Variants in MAP3K20 observed in about 807,000 individuals in gnomAD.
The protein encoded by MAP3K20 is mitogen-activated protein kinase kinase kinase 20.
In MAP3K20, 40 loss-of-function variants were observed where a neutral mutation model predicts 85.7. The observed-to-expected ratio is 0.47, with a 90% CI of 0.36 to 0.61. The LOEUF is 0.61. Among genes scored for constraint, MAP3K20 ranks in the 20% least tolerant of loss-of-function variants. The probability of loss-of-function intolerance (pLI) is 0.00; values close to 1 mark genes in which losing one functional copy is unlikely to be tolerated. For missense variants in MAP3K20, 817 were observed against 961.7 expected (o/e 0.85, Z 1.99); for synonymous variants, 325 against 327.7 (o/e 0.99, Z 0.09).
intron 18 of MAP3K20, among the ~76,000 whole-genome samples, chr2:173,262,552 A>G (rs1187327208): frequency 1.3e-5 from 2 of 151,944 alleles, no homozygotes; most frequent in African/African-American, 4.8e-5. Flanking sequence ...GTGAGCTGAG[A>G]TTGCGCCATT....
At chr2:173,155,124 G>A (rs1432114329) in intron 2 of MAP3K20, among the ~76,000 whole-genome samples, 1 of 151,918 alleles carries the variant, frequency 6.6e-6, no homozygotes, top group Non-Finnish European at 1.5e-5. Context: ...AAGAGGGGGA[G>A]GTAAAATCTG....
At chr2:173,155,659 T>C (rs1052732565) in intron 2 of MAP3K20, among the ~76,000 whole-genome samples, 4 of 152,200 alleles carry the variant, frequency 2.6e-5, no homozygotes, top group South Asian at 4.1e-4. Flanking sequence ...CTGAGGGGCA[T>C]AGAAAGGTAA....
intron 2 of MAP3K20, among the ~76,000 whole-genome samples, chr2:173,123,442 T>G (rs1688355161): frequency 6.6e-6 from 1 of 152,188 alleles, no homozygotes; most frequent in Non-Finnish European, 1.5e-5. Context: ...CTGTGAAGCA[T>G]GTTGAGATTT....
At position 173,229,718 on chromosome 2, in the gene MAP3K20, G is replaced by A. The variant is rs1192632812; in HGVS notation, c.1017G>A (p.Trp339Ter). ...TGCCTTCCTTTGAGATTGGTGCATG[G>A]ACGGAAGACGATGTGGTAAGCTCTT... ...PLLPSFEIGA[W>*]TEDDVYCWVQ... Residue 339 changes from tryptophan (W) to a stop codon, truncating the protein, a stop_gained, in exon 12 of 20, where the codon TGG becomes TGA. Transcript: ENST00000375213. LOFTEE classifies it high-confidence loss of function. The A allele has an allele frequency of 6.2e-7, 1 of 1,614,026 alleles. No homozygotes were observed. Among genetic ancestry groups the A allele is most frequent in the South Asian group, 1.1e-5 (1 of 91,074 alleles).
chr2:173,217,129 C>T lies in MAP3K20; in HGVS notation c.866C>T (p.Ala289Val). ...TCCCCGTGCAGGTGCGAAATTGAGG[C>T]AACTCTTGAGAGGCTAAAGAAACTA... ...NKAEWRCEIE[A>V]TLERLKKLER... The change falls in exon 11 of 20, where the codon GCA becomes GTA. Residue 289 changes from alanine to valine, a missense_variant. Around this residue, in one of 4 missense-constraint regions of MAP3K20, gnomAD observed 158 missense variants for 162.0 expected, o/e 0.98. Coordinates refer to ENST00000375213, the MANE Select transcript of MAP3K20 (RefSeq NM_016653.3). 2.6e-6 allele frequency: 4 copies of T among 1,566,096 alleles called. No individual in the cohort carries two copies. Among genetic ancestry groups the T allele is most frequent in the Non-Finnish European group, 3.5e-6 (4 of 1,155,644 alleles).
chr2:173,176,721 T>TC (rs1690171245), intron 3 of MAP3K20, among the ~76,000 whole-genome samples: 1 of 152,164 alleles, frequency 6.6e-6, no homozygotes, highest in Non-Finnish European at 1.5e-5. Flanking sequence ...ATGTAGATGT[T>TC]CTAAACACTT....
chr2:173,238,548 A>G (rs1014834195), intron 15 of MAP3K20, 113 bp downstream of exon 15: 2 of 949,446 alleles, frequency 2.1e-6, no homozygotes, highest in African/African-American at 1.6e-5. Context: ...GTGAAATTTC[A>G]TCATATCTGT....
In MAP3K20 at chr2:173,182,963, T is replaced by C. The variant is rs1690373290; in HGVS notation, c.349+8T>C. On this transcript the variant is annotated splice_region_variant and intron_variant, in intron 4 of 19. Coordinates refer to ENST00000375213, the MANE Select transcript of MAP3K20 (RefSeq NM_016653.3). The stretch of plus-strand genomic sequence containing the variant: ...CCACTGATGTAGCCAAAGGTAATAA[T>C]ATTTGGTATATTCTTATAGAATTAG... 2 of 1,592,044 alleles carry C rather than the reference T, an allele frequency of 1.3e-6. No homozygotes were observed. The highest frequency in any genetic ancestry group is 2.7e-5 in the African/African-American group (2 of 74,260).
At chr2:173,222,497 A>G in intron 11 of MAP3K20, 2 of 985,856 alleles carry the variant, frequency 2.0e-6, no homozygotes, top group Non-Finnish European at 2.4e-6. Context: ...TGTGCTTTAT[A>G]CAAAGAGAAA....
chr2:173,100,823 G>A (rs1347658460), intron 2 of MAP3K20, among the ~76,000 whole-genome samples: 1 of 152,154 alleles, frequency 6.6e-6, no homozygotes, highest in Non-Finnish European at 1.5e-5. Context: ...TTGAATTGGA[G>A]AGTAAGCAAT....
chr2:173,237,476 T>C (rs1684681407), intron 14 of MAP3K20, among the ~76,000 whole-genome samples: 1 of 152,200 alleles, frequency 6.6e-6, no homozygotes, highest in Non-Finnish European at 1.5e-5. Context: ...TTGTCAGCTG[T>C]CAACAGTTTT....
chr2:173,258,456 G>A (rs1685208480), intron 16 of MAP3K20, among the ~76,000 whole-genome samples: 1 of 151,880 alleles, frequency 6.6e-6, no homozygotes, highest in Admixed American at 6.6e-5. Context: ...TCAGGATTTT[G>A]AGTTTGTAAC....
intron 9 of MAP3K20, among the ~76,000 whole-genome samples, chr2:173,204,638 T>C (rs1683607025): frequency 6.6e-6 from 1 of 152,198 alleles, no homozygotes; most frequent in African/African-American, 2.4e-5. Context: ...ACAGATGAAA[T>C]GATAGGCTAG....
At position 173,217,260 on chromosome 2, in the gene MAP3K20, C is replaced by T. The variant is rs750657872; in HGVS notation, c.987+10C>T. 1.3e-6 allele frequency: 2 copies of T among 1,539,780 alleles called. No homozygotes were observed. Among genetic ancestry groups the T allele is most frequent in the Non-Finnish European group, 8.8e-7 (1 of 1,141,996 alleles). ...GCAGTCCAACACCCCGGTGAGTACC[C>T]TCCCCCTTCGCCGTCTTTCCACATG... On this transcript the variant is annotated intron_variant, in intron 11 of 19. Transcript: ENST00000375213.
intron 10 of MAP3K20, chr2:173,211,838 CG>C (rs1258842718): frequency 5.3e-5 from 8 of 152,102 alleles, no homozygotes; most frequent in African/African-American, 1.7e-4. Context: ...GGCGTGAACC[CG>C]GGAGGCAGAG....
chr2:173,169,178 A>C (rs1343373466), intron 2 of MAP3K20, among the ~76,000 whole-genome samples: 1 of 152,184 alleles, frequency 6.6e-6, no homozygotes, highest in African/African-American at 2.4e-5. Flanking sequence ...GACATTTTGC[A>C]AAATATATAT....
At chr2:173,181,792 A>G (rs1203835207) in intron 3 of MAP3K20, among the ~76,000 whole-genome samples, 1 of 151,984 alleles carries the variant, frequency 6.6e-6, no homozygotes, top group Non-Finnish European at 1.5e-5. Context: ...TCAAGCCTGT[A>G]ATCCCAGCAC....
chr2:173,199,931 C>A (rs1690990018), intron 8 of MAP3K20, among the ~76,000 whole-genome samples: 1 of 152,158 alleles, frequency 6.6e-6, no homozygotes, highest in Non-Finnish European at 1.5e-5. Context: ...CAACATTATA[C>A]ATGCAGAAGC....
intron 2 of MAP3K20, among the ~76,000 whole-genome samples, chr2:173,093,299 GT>G (rs1687355201): frequency 6.6e-6 from 1 of 152,156 alleles, no homozygotes; most frequent in Admixed American, 6.5e-5. Flanking sequence ...TCACTTGGTT[GT>G]TTTTTGCCAA....
Sources: gnomAD v4.1 joint callset for allele counts (sites outside exome capture counted in the v4.1 genomes callset) on GRCh38, gnomAD v4.1.1 for gene constraint, gnomAD v4.1.1 regional missense constraint, MANE v1.5 for transcripts, NCBI Gene and HGNC (gene_info 2026-07-23, HGNC 2026-07-21) for gene names.